LTF: variants seen among roughly 807,000 people sequenced by gnomAD.
The protein encoded by LTF is epididymis luminal protein 110.
Under a neutral mutation model 87.2 loss-of-function variants are expected in LTF, and 91 were observed. The ratio of observed to expected loss-of-function variants is 1.04; its 90% CI spans 0.88 to 1.24. The LOEUF (loss-of-function observed/expected upper bound fraction) is 1.24, where lower values mean the gene tolerates loss of function less well. Among genes scored for constraint, LTF ranks in the 50% most tolerant of loss-of-function variants. LTF has a pLI of 0.00. For missense variants in LTF, 901 were observed against 904.3 expected (o/e 1.00, Z 0.05); for synonymous variants, 378 against 356.1 (o/e 1.06, Z -0.69).
chr3:46,438,103 G>A lies in LTF; in HGVS notation c.1935C>T (p.Asp645=), dbSNP rs371253967. The part of the protein sequence containing the change: ...QQAKFGRNGS[D]CPDKFCLFQS... Reference sequence around the variant, plus strand: ...GGAATAAGCAAAACTTGTCCGGGCAGTCAGATCCATTTCTCCCAAATTTAG... The same window carrying A: ...GGAATAAGCAAAACTTGTCCGGGCAATCAGATCCATTTCTCCCAAATTTAG... The change falls in exon 16 of 17, where the codon GAC becomes GAT. Residue 645 remains aspartate (D), a synonymous_variant. Coordinates refer to ENST00000231751, the MANE Select transcript of LTF (RefSeq NM_002343.6). The A allele has an allele frequency of 2.1e-4, 334 of 1,613,510 alleles. No homozygotes were observed. The highest frequency in any genetic ancestry group is 2.7e-4 in the Non-Finnish European group (316 of 1,179,892).
At position 46,464,674 on chromosome 3, in the gene LTF, C is replaced by G; in HGVS notation, c.43+151G>C. On this transcript the variant is annotated intron_variant, in intron 1 of 16. Coordinates refer to ENST00000231751, the MANE Select transcript of LTF (RefSeq NM_002343.6). ...CCATGTGGGAAAGAGACTGGCCCCGCGTCCGGGCCGCCTCCCGGCTGTAGG... is the reference window on the plus strand; with the variant it reads ...CCATGTGGGAAAGAGACTGGCCCCGGGTCCGGGCCGCCTCCCGGCTGTAGG... 4.0e-6 allele frequency: 3 copies of G among 756,634 alleles called. No homozygotes were observed. In the South Asian group the frequency reaches 5.1e-5, roughly 13 times the overall value. The allele number at this position is 756,634 out of a possible 1,614,324, so 46.9% of individuals were successfully genotyped here. A position where few individuals can be genotyped will look rare whatever the true frequency, so the allele number is the denominator to read the frequency against.
intron 14 of LTF, 123 bp downstream of exon 14, chr3:46,441,293 G>T (rs1702509545): frequency 4.2e-6 from 3 of 717,870 alleles, no homozygotes; most frequent in Non-Finnish European, 7.0e-6. Context: ...GAATTTTGGA[G>T]TTCTTTTAAT....
chr3:46,439,419 G>C lies in LTF; in HGVS notation c.1785C>G (p.Leu595=), dbSNP rs267599843. ...LKLADFALLC[L]DGKRKPVTEA... Reference sequence around the variant, plus strand: ...CAGTCACAGGCTTCCGTTTGCCATCGAGGCACAGCAGCGCAAAGTCTGCCA... The same window carrying C: ...CAGTCACAGGCTTCCGTTTGCCATCCAGGCACAGCAGCGCAAAGTCTGCCA... Residue 595 remains leucine (L), a synonymous_variant, in exon 15 of 17, where the codon CTC becomes CTG. Coordinates refer to ENST00000231751, the MANE Select transcript of LTF (RefSeq NM_002343.6). 1.2e-6 allele frequency: 2 copies of C among 1,614,052 alleles called. No homozygotes were observed. Among genetic ancestry groups the C allele is most frequent in the African/African-American group, 2.7e-5 (2 of 74,924 alleles).
chr3:46,438,058 A>C lies in LTF; in HGVS notation c.1980T>G (p.Leu660=). 6.2e-7 allele frequency: 1 copy of C among 1,614,088 alleles called. No individual in the cohort carries two copies. The highest frequency in any genetic ancestry group is 1.7e-5 in the Admixed American group (1 of 60,018). The change falls in exon 16 of 17, where the codon CTT becomes CTG. Residue 660 remains leucine, a synonymous_variant. Transcript: ENST00000231751. Reference sequence around the variant, plus strand: ...GACACTCAGTGTTGTCATTGAACAGAAGGTTTTTGGTTTCAGACTGGAATA... The same window carrying C: ...GACACTCAGTGTTGTCATTGAACAGCAGGTTTTTGGTTTCAGACTGGAATA... ...FCLFQSETKN[L]LFNDNTECLA... is the part of the protein sequence containing the mutation.
rs1187427168 is a variant in LTF at position 46,463,496 on chromosome 3, G to A, written c.43+1329C>T. On this transcript the variant is annotated intron_variant, in intron 1 of 16. Coordinates refer to ENST00000231751, the MANE Select transcript of LTF (RefSeq NM_002343.6). ...GGGGAGCAGGGCAGGAATTCCACAG[G>A]GCAACTGCCACCCTTTCCTCAGGAA... 1.9e-5 allele frequency: 19 copies of A among 985,484 alleles called. No individual in the cohort carries two copies. The Admixed American group carries it at 1.2e-3, about 61-fold the overall frequency. The allele number at this position is 985,484 out of a possible 1,614,324, so 61.0% of individuals were successfully genotyped here.
At chr3:46,444,019 C>T (rs1264836001) in intron 12 of LTF, among the ~76,000 whole-genome samples, 1 of 152,226 alleles carries the variant, frequency 6.6e-6, no homozygotes, top group Non-Finnish European at 1.5e-5. Flanking sequence ...CCCTGGGGCT[C>T]ATATGGCCAT....
chr3:46,444,123 C>T (rs751706778), intron 12 of LTF, among the ~76,000 whole-genome samples: 6 of 152,116 alleles, frequency 3.9e-5, no homozygotes, highest in African/African-American at 7.2e-5. Context: ...ATGCCTTTTG[C>T]CCTTTCTTCT....
chr3:46,441,265 G>A, intron 14 of LTF, 151 bp downstream of exon 14: 1 of 602,494 alleles, frequency 1.7e-6, no homozygotes, highest in Non-Finnish European at 3.0e-6. Flanking sequence ...ATGTTATCAT[G>A]TTGTCTATTG....
Position 46,479,508 on chromosome 3 carries a change from CTGTTTGTTTGTT to C in LTF, c.-320+5466_-320+5477del, listed in dbSNP as rs56170464. On this transcript the variant is annotated intron_variant, in intron 1 of 19. Coordinates refer to the LTF transcript ENST00000443496. ...CTGGGAGAGAGATGAAGTGGCTTTT[CTGTTTGTTTGTT>C]TGTTTGTTTGTTTGTTTGTTTGTGA... Among the ~76,000 whole-genome samples, 491 of 150,648 alleles carry C rather than the reference CTGTTTGTTTGTT, an allele frequency of 3.3e-3. 3 individuals carry two copies. Among genetic ancestry groups the C allele is most frequent in the African/African-American group, 0.011 (452 of 40,926 alleles).
intron 8 of LTF, among the ~76,000 whole-genome samples, chr3:46,449,599 A>C (rs917130901): frequency 6.6e-6 from 1 of 152,140 alleles, no homozygotes; most frequent in African/African-American, 2.4e-5. Flanking sequence ...GTTCATGTTC[A>C]TGTTTCTCAC....
At chr3:46,482,451 T>C (rs895304222) in intron 1 of LTF, among the ~76,000 whole-genome samples, 4 of 135,116 alleles carry the variant, frequency 3.0e-5, no homozygotes, top group Non-Finnish European at 4.6e-5. Context: ...GCCTGGACAT[T>C]AAAGTGAGAC....
At chr3:46,449,041 G>A (rs774392610) in intron 8 of LTF, 24 bp from the exon 9 acceptor site, 1 of 1,590,274 alleles carries the variant, frequency 6.3e-7, no homozygotes, top group Non-Finnish European at 8.5e-7. Context: ...GACCGCAGGT[G>A]GCTGGGCAAC....
intron 2 of LTF, among the ~76,000 whole-genome samples, chr3:46,458,926 T>G (rs1703009613): frequency 6.6e-6 from 1 of 152,240 alleles, no homozygotes; most frequent in African/African-American, 2.4e-5. Context: ...CCTAAAACAT[T>G]GATTAAACTA....
chr3:46,444,949 T>C (rs970316919), intron 12 of LTF, among the ~76,000 whole-genome samples: 4 of 152,218 alleles, frequency 2.6e-5, no homozygotes, highest in Non-Finnish European at 5.9e-5. Context: ...AGCCAGAGTT[T>C]AAGAGGAATT....
intron 1 of LTF, among the ~76,000 whole-genome samples, chr3:46,480,374 C>T (rs1267454079): frequency 2.0e-5 from 3 of 152,164 alleles, no homozygotes; most frequent in Non-Finnish European, 4.4e-5. Context: ...CCCTTGAAAC[C>T]CCACTCTGAT....
At chr3:46,438,689 C>T (rs940698144) in intron 15 of LTF, among the ~76,000 whole-genome samples, 1 of 152,178 alleles carries the variant, frequency 6.6e-6, no homozygotes, top group Non-Finnish European at 1.5e-5. Flanking sequence ...ACATTAAGAG[C>T]TCCATAAAGG....
At position 46,455,986 on chromosome 3, in the gene LTF, G is replaced by C; in HGVS notation, c.317-8C>G. On this transcript the variant is annotated splice_region_variant and splice_polypyrimidine_tract_variant and intron_variant, in intron 3 of 16. Coordinates refer to ENST00000231751, the MANE Select transcript of LTF (RefSeq NM_002343.6). The stretch of plus-strand genomic sequence containing the variant: ...AATAGTGAGTTCGTGGCTCTGCAAA[G>C]GGGCAGACAGAATTGAAAGTTCTTA... 1.3e-6 allele frequency: 2 copies of C among 1,557,302 alleles called. No individual in the cohort carries two copies. Among genetic ancestry groups the C allele is most frequent in the Non-Finnish European group, 1.7e-6 (2 of 1,154,144 alleles).
intron 13 of LTF, among the ~76,000 whole-genome samples, chr3:46,442,964 C>T (rs1702559270): frequency 6.6e-6 from 1 of 152,194 alleles, no homozygotes; most frequent in Non-Finnish European, 1.5e-5. Flanking sequence ...TTATTTTTCA[C>T]TTCGTTACTG....
intron 1 of LTF, among the ~76,000 whole-genome samples, chr3:46,461,440 A>G (rs897703321): frequency 3.3e-5 from 5 of 152,260 alleles, no homozygotes; most frequent in African/African-American, 1.2e-4. Flanking sequence ...CATCCATTCA[A>G]TGGAATATTA....
Sources: gnomAD v4.1 joint callset for allele counts (sites outside exome capture counted in the v4.1 genomes callset) on GRCh38, gnomAD v4.1.1 for gene constraint, MANE v1.5 for transcripts, NCBI Gene and HGNC (gene_info 2026-07-23, HGNC 2026-07-21) for gene names.